LARGE1: variants seen among roughly 807,000 people sequenced by gnomAD.
LARGE1 encodes LARGE xylosyl- and glucuronyltransferase 1, also known as xylosyl- and glucuronyltransferase LARGE1.
Under a neutral mutation model 87.6 loss-of-function variants are expected in LARGE1, and 43 were observed. That is an observed-to-expected ratio of 0.49 (90% CI 0.38 to 0.63). LARGE1 has a LOEUF of 0.63. LARGE1 is among the 30% of genes least tolerant of loss of function. The pLI is 0.00. For missense variants in LARGE1, 802 were observed against 1,000.2 expected (o/e 0.80, Z 2.67); for synonymous variants, 434 against 394.6 (o/e 1.10, Z -1.18).
chr22:33,406,834 C>T (rs2066117675), intron 7 of LARGE1, among the ~76,000 whole-genome samples: 1 of 152,162 alleles, frequency 6.6e-6, no homozygotes, highest in Non-Finnish European at 1.5e-5. Flanking sequence ...CCTTTGTCAC[C>T]CAGGCTGGAG....
chr22:33,411,906 A>G (rs1276768517), intron 7 of LARGE1, among the ~76,000 whole-genome samples: 1 of 152,246 alleles, frequency 6.6e-6, no homozygotes. Context: ...GCATATATAC[A>G]GAGAAATAGA....
intron 11 of LARGE1, among the ~76,000 whole-genome samples, chr22:33,259,204 T>C (rs1272553271): frequency 6.6e-6 from 1 of 152,154 alleles, no homozygotes; most frequent in Non-Finnish European, 1.5e-5. Context: ...TAAGAAATGC[T>C]GAAGGGTTTA....
intron 1 of LARGE1, among the ~76,000 whole-genome samples, chr22:33,913,180 C>G (rs1426259891): frequency 6.6e-6 from 1 of 152,176 alleles, no homozygotes; most frequent in East Asian, 1.9e-4. Flanking sequence ...CTCCTGTATA[C>G]TCAAGCAGAA....
chr22:33,377,103 T>C lies in LARGE1; in HGVS notation c.1131+4816A>G, dbSNP rs111610999. Among the ~76,000 whole-genome samples the C allele has an allele frequency of 5.9e-3, 899 of 152,284 alleles. 10 individuals are homozygous for C. The highest frequency in any genetic ancestry group is 0.021 in the African/African-American group (865 of 41,570). On this transcript the variant is annotated intron_variant, in intron 9 of 14. Coordinates refer to ENST00000397394, the MANE Select transcript of LARGE1 (RefSeq NM_133642.5). ...ACATCTTGATCAAAAGGGTGAAATA[T>C]GAATGTTGCCAAAATAAAAATGGAG...
intron 1 of LARGE1, among the ~76,000 whole-genome samples, chr22:33,833,288 A>C (rs182378362): frequency 3.3e-5 from 5 of 152,348 alleles, no homozygotes; most frequent in Admixed American, 2.0e-4. Context: ...CCTAAAATGC[A>C]TATGTTAAAG....
chr22:33,280,717 C>T (rs1930278662), intron 13 of LARGE1, among the ~76,000 whole-genome samples: 2 of 152,276 alleles, frequency 1.3e-5, no homozygotes, highest in Admixed American at 1.3e-4. Flanking sequence ...TAGCCTCCTT[C>T]CCTGCTAAAA....
rs1555892175 is a variant in LARGE1, at chr22:33,303,808, A to AC, written c.1730+420_1730+421insG. Among the ~76,000 whole-genome samples, 1,356 of 146,654 alleles carry AC rather than the reference A, an allele frequency of 9.2e-3. 25 individuals carry two copies. Among genetic ancestry groups the AC allele is most frequent in the African/African-American group, 0.033 (1,279 of 38,914 alleles). ...AGCTAATTTTTTTGGTATTTTTAGT[A>AC]GGGGGGGGGTTTCACCATGTTGGCC... On this transcript the variant is annotated intron_variant, in intron 12 of 14. Transcript: ENST00000397394.
chr22:33,084,114 T>C, the LARGE1 span, among the ~76,000 whole-genome samples: 3 of 152,188 alleles, frequency 2.0e-5, no homozygotes, highest in African/African-American at 7.2e-5. Flanking sequence ...AAAGTCATGT[T>C]TATTTTTTCT....
At chr22:33,844,041 T>G (rs1484553100) in intron 1 of LARGE1, among the ~76,000 whole-genome samples, 1 of 144,734 alleles carries the variant, frequency 6.9e-6, no homozygotes, top group Non-Finnish European at 1.5e-5. Flanking sequence ...ATGGTGCCAC[T>G]GCACTCCAGC....
intron 2 of LARGE1, among the ~76,000 whole-genome samples, chr22:33,658,850 T>A (rs2081045381): frequency 6.6e-6 from 1 of 152,218 alleles, no homozygotes; most frequent in African/African-American, 2.4e-5. Flanking sequence ...TAATGAAGGT[T>A]GAGAAATGCT....
the LARGE1 span, among the ~76,000 whole-genome samples, chr22:33,133,206 G>T: frequency 6.6e-6 from 1 of 151,916 alleles, no homozygotes; most frequent in Non-Finnish European, 1.5e-5. Flanking sequence ...AATACTTTAA[G>T]TTCTGGGGTA....
the LARGE1 span, among the ~76,000 whole-genome samples, chr22:33,152,234 T>G: frequency 6.6e-6 from 1 of 152,242 alleles, no homozygotes; most frequent in Non-Finnish European, 1.5e-5. Flanking sequence ...AGCCCACTAT[T>G]GTCTACATCA....
intron 6 of LARGE1, among the ~76,000 whole-genome samples, chr22:33,439,713 C>T (rs1048866394): frequency 6.6e-6 from 1 of 152,186 alleles, no homozygotes; most frequent in Non-Finnish European, 1.5e-5. Flanking sequence ...ATCTATGTAT[C>T]AGCCCACCAT....
chr22:33,184,322 A>G (rs1923359740), intron 11 of LARGE1, among the ~76,000 whole-genome samples: 1 of 151,320 alleles, frequency 6.6e-6, no homozygotes, highest in African/African-American at 2.4e-5. Context: ...TTTGGAAGCT[A>G]AATACTACAC....
chr22:33,869,403 A>G (rs912412441), intron 1 of LARGE1, among the ~76,000 whole-genome samples: 21 of 149,492 alleles, frequency 1.4e-4, no homozygotes, highest in Admixed American at 5.9e-4. Flanking sequence ...CCAAGTAGGG[A>G]AAAAAAAAGT....
intron 10 of LARGE1, among the ~76,000 whole-genome samples, chr22:33,328,983 T>C (rs1937478105): frequency 6.6e-6 from 1 of 152,154 alleles, no homozygotes; most frequent in Non-Finnish European, 1.5e-5. Context: ...TTTCTCTTTC[T>C]TTCCCTGTAG....
chr22:33,115,257 T>C, the LARGE1 span, among the ~76,000 whole-genome samples: 9 of 151,762 alleles, frequency 5.9e-5, 1 homozygote, highest in Non-Finnish European at 1.2e-4. Flanking sequence ...ACATGAGAAG[T>C]GGGGGATATG....
intron 11 of LARGE1, among the ~76,000 whole-genome samples, chr22:33,242,924 A>G (rs1324725242): frequency 6.6e-6 from 1 of 152,170 alleles, no homozygotes; most frequent in Non-Finnish European, 1.5e-5. Flanking sequence ...CATCACCTCC[A>G]TCTCTGCCTT....
At chr22:33,179,080 G>T (rs1009568245) in intron 11 of LARGE1, among the ~76,000 whole-genome samples, 10 of 152,136 alleles carry the variant, frequency 6.6e-5, no homozygotes, top group Non-Finnish European at 1.5e-4. Context: ...AAAGCCAACA[G>T]TCCCATCATG....
Sources: gnomAD v4.1 joint callset for allele counts (sites outside exome capture counted in the v4.1 genomes callset) on GRCh38, gnomAD v4.1.1 for gene constraint, MANE v1.5 for transcripts, NCBI Gene and HGNC (gene_info 2026-07-23, HGNC 2026-07-21) for gene names.